RAP1GAP2: variants seen among roughly 807,000 people sequenced by gnomAD.
RAP1GAP2 encodes RAP1 GTPase activating protein 2, also known as rap1 GTPase-activating protein 2.
Under a neutral mutation model 95.0 loss-of-function variants are expected in RAP1GAP2, and 27 were observed. That is an observed-to-expected ratio of 0.28 (90% CI 0.21 to 0.39). The LOEUF is 0.39. Ranked by LOEUF, RAP1GAP2 falls within the 10% of genes least tolerant of loss-of-function variation. RAP1GAP2 has a pLI of 1.00. For missense variants in RAP1GAP2, 771 were observed against 970.0 expected, an observed-to-expected ratio of 0.79 and a Z score of 2.72; for synonymous variants, 373 against 380.9, an observed-to-expected ratio of 0.98 and a Z score of 0.24.
At chr17:3,025,324 C>T (rs904275916) in intron 19 of RAP1GAP2, among the ~76,000 whole-genome samples, 1 of 152,198 alleles carries the variant, frequency 6.6e-6, no homozygotes, top group Non-Finnish European at 1.5e-5. Flanking sequence ...TTGCAGCAAT[C>T]CAAGATCGCA....
In RAP1GAP2 at chr17:2,914,905, C is replaced by A. The variant is rs112867104; in HGVS notation, c.165+9537C>A. On this transcript the variant is annotated intron_variant, in intron 3 of 24. Coordinates refer to ENST00000254695, the MANE Select transcript of RAP1GAP2 (RefSeq NM_015085.5). ...CTCCTGGGTTCAAACGATTCTCCTG[C>A]CTCAGTCCCCCGAGTAGCTGGGATT... Among the ~76,000 whole-genome samples the A allele has an allele frequency of 3.1e-3, 467 of 151,738 alleles. 3 individuals are homozygous for A. Among genetic ancestry groups the A allele is most frequent in the African/African-American group, 0.011 (437 of 41,326 alleles).
At chr17:2,758,284 C>T (rs1332529799) in intron 1 of RAP1GAP2, among the ~76,000 whole-genome samples, 1 of 145,492 alleles carries the variant, frequency 6.9e-6, no homozygotes, top group Non-Finnish European at 1.5e-5. Context: ...CAAGTGATTC[C>T]CCTGCCTCAG....
At chr17:2,926,495 G>A (rs2042958566) in intron 3 of RAP1GAP2, among the ~76,000 whole-genome samples, 1 of 152,202 alleles carries the variant, frequency 6.6e-6, no homozygotes, top group African/African-American at 2.4e-5. Context: ...GAGGATGGGA[G>A]TGAGACTAGC....
chr17:2,931,473 C>G (rs909391891), intron 3 of RAP1GAP2, among the ~76,000 whole-genome samples: 2 of 152,192 alleles, frequency 1.3e-5, no homozygotes, highest in Non-Finnish European at 2.9e-5. Context: ...GAAGGACAGC[C>G]CATTGTCCCT....
rs1159758836 is a variant in RAP1GAP2 at position 2,937,022 on chromosome 17, G to A, written c.166-20737G>A. Among the ~76,000 whole-genome samples, 4 of 152,326 alleles carry A rather than the reference G, an allele frequency of 2.6e-5. No individual in the cohort carries two copies. The East Asian group carries it at 7.7e-4, about 29-fold the overall frequency. On this transcript the variant is annotated intron_variant, in intron 3 of 24. Coordinates refer to ENST00000254695, the MANE Select transcript of RAP1GAP2 (RefSeq NM_015085.5). The stretch of plus-strand genomic sequence containing the variant: ...AAATGGGGGAAACAGCTAATTAAAC[G>A]AGAAGTTTTAAAGCTGAGAGTTAAA...
chr17:3,026,967 A>G lies in RAP1GAP2; in HGVS notation c.2004A>G (p.Ser668=). ...DSGGSQPSTT[S]PFKQEVFVYS... is the part of the protein sequence containing the mutation. ...AGGGCAGCCAGCCGTCCACGACCTCACCCTTCAAGCAGGAGGTGTTTGTCT... is the reference window on the plus strand; with the variant it reads ...AGGGCAGCCAGCCGTCCACGACCTCGCCCTTCAAGCAGGAGGTGTTTGTCT... The change falls in exon 22 of 25, where the codon TCA becomes TCG. Residue 668 remains serine, a synonymous_variant. Transcript: ENST00000254695. 6.4e-7 allele frequency: 1 copy of G among 1,553,288 alleles called. No homozygotes were observed. The highest frequency in any genetic ancestry group is 8.7e-7 in the Non-Finnish European group (1 of 1,148,120).
chr17:3,029,237 A>G lies in RAP1GAP2; in HGVS notation c.2108-1685A>G, dbSNP rs1401451570. Among the ~76,000 whole-genome samples, 1 of 152,232 alleles carries G rather than the reference A, an allele frequency of 6.6e-6. No homozygotes were observed. Among genetic ancestry groups the G allele is most frequent in the Non-Finnish European group, 1.5e-5 (1 of 68,042 alleles). ...AGTAAGGAAGGTTTTGAGTAAAGGA[A>G]TTAGAGAGTCTCTGCAGGTTGCTGA... is the stretch of plus-strand genomic sequence containing the variant. On this transcript the variant is annotated intron_variant, in intron 22 of 24. Transcript: ENST00000254695. The surrounding 1 kb of genome is among the most constrained non-coding windows in gnomAD (Gnocchi z 4.4).
rs145953852 is a variant in RAP1GAP2 at position 2,810,498 on chromosome 17, C to T, written c.80+9948C>T. Among the ~76,000 whole-genome samples, 377 of 138,334 alleles carry T rather than the reference C, an allele frequency of 2.7e-3. 2 individuals are homozygous for T. The highest frequency in any genetic ancestry group is 9.6e-3 in the African/African-American group (353 of 36,854). 90.8% of individuals were successfully genotyped at this position (138,334 alleles called of 152,430 possible). ...TTAACATTAGGTATGTCTTTTAATG[C>T]TATCCCTCCCCTGTCCCCCCACCCT... On this transcript the variant is annotated intron_variant, in intron 2 of 24. Transcript: ENST00000254695.
intron 22 of RAP1GAP2, among the ~76,000 whole-genome samples, chr17:3,030,710 AC>A (rs2047263837): frequency 1.3e-5 from 2 of 152,142 alleles, no homozygotes; most frequent in South Asian, 4.1e-4. Flanking sequence ...ATATAATTCA[AC>A]TTTAAAAAAT....
In RAP1GAP2 at chr17:2,976,097, G is replaced by A. The variant is rs56153714; in HGVS notation, c.597-4190G>A. Among the ~76,000 whole-genome samples the A allele has an allele frequency of 8.3e-3, 1,264 of 152,300 alleles. 22 individuals carry two copies. The highest frequency in any genetic ancestry group is 0.029 in the African/African-American group (1,211 of 41,570). On this transcript the variant is annotated intron_variant, in intron 8 of 24. Transcript: ENST00000254695. ...CTTGAATTTTAAAAAGCAAAACTGAGAGAAATAGAAGGAGAAGTGGATAAA... is the reference window on the plus strand; with the variant it reads ...CTTGAATTTTAAAAAGCAAAACTGAAAGAAATAGAAGGAGAAGTGGATAAA...
intron 2 of RAP1GAP2, among the ~76,000 whole-genome samples, chr17:2,819,576 C>T (rs991553201): frequency 6.6e-6 from 1 of 151,658 alleles, no homozygotes; most frequent in Non-Finnish European, 1.5e-5. Flanking sequence ...CGGGTTCCAG[C>T]GACTCTCCTG....
At chr17:2,787,375 C>T (rs1228018145) in intron 1 of RAP1GAP2, among the ~76,000 whole-genome samples, 2 of 151,602 alleles carry the variant, frequency 1.3e-5, no homozygotes, top group African/African-American at 4.9e-5. Flanking sequence ...CCACATCAGC[C>T]TTCTAGGTAG....
intron 3 of RAP1GAP2, among the ~76,000 whole-genome samples, chr17:2,910,589 T>C (rs2042340687): frequency 6.6e-6 from 1 of 152,152 alleles, no homozygotes; most frequent in African/African-American, 2.4e-5. Context: ...TTTGGTTGAT[T>C]AGCTTGGGAG....
rs967560900 is a variant in RAP1GAP2 at position 2,902,958 on chromosome 17, GTGTA to G, written c.81-2323_81-2320del. Among the ~76,000 whole-genome samples, 1 of 152,180 alleles carries G rather than the reference GTGTA, an allele frequency of 6.6e-6. No homozygotes were observed. The highest frequency in any genetic ancestry group is 1.5e-5 in the Non-Finnish European group (1 of 68,028). On this transcript the variant is annotated intron_variant, in intron 2 of 24. Coordinates refer to ENST00000254695, the MANE Select transcript of RAP1GAP2 (RefSeq NM_015085.5). This position sits in a 1 kb window ranked among gnomAD's most constrained non-coding sequence, Gnocchi z 4.1. ...GGGGAAAAATAGACAGCATGACTGT[GTGTA>G]TGAGCGTCCAGTGACCGGTGATGTT...
chr17:2,978,627 A>C (rs919717985), intron 8 of RAP1GAP2, among the ~76,000 whole-genome samples: 10 of 151,996 alleles, frequency 6.6e-5, no homozygotes, highest in Non-Finnish European at 2.9e-5. Context: ...GATAAGGGGG[A>C]CTGCTGTATT....
chr17:3,031,060 GA>G (rs2047275252), intron 23 of RAP1GAP2, 62 bp downstream of exon 23: 1 of 1,470,368 alleles, frequency 6.8e-7, no homozygotes, highest in African/African-American at 1.4e-5. Flanking sequence ...CTTCCTTCCT[GA>G]GGCCAGAGGA....
chr17:2,777,071 C>T (rs1219188158), exon 1 of RAP1GAP2: 1 of 152,180 alleles, frequency 6.6e-6, no homozygotes, highest in African/African-American at 2.4e-5. Context: ...CAGACATCGG[C>T]ACGTATGGAC....
intron 3 of RAP1GAP2, among the ~76,000 whole-genome samples, chr17:2,913,223 A>C (rs1291223270): frequency 6.6e-6 from 1 of 151,932 alleles, no homozygotes; most frequent in Non-Finnish European, 1.5e-5. Context: ...ATGTGCACCT[A>C]CTTACCTGCA....
At chr17:2,895,750 G>A (rs2041800787) in intron 2 of RAP1GAP2, among the ~76,000 whole-genome samples, 1 of 152,000 alleles carries the variant, frequency 6.6e-6, no homozygotes, top group Non-Finnish European at 1.5e-5. Context: ...CTAATTTTTT[G>A]TATTTTTAGT....
Sources: gnomAD v4.1 joint callset for allele counts (sites outside exome capture counted in the v4.1 genomes callset) on GRCh38, gnomAD v4.1.1 for gene constraint, Gnocchi (gnomAD v3.1) non-coding constraint, MANE v1.5 for transcripts, NCBI Gene and HGNC (gene_info 2026-07-23, HGNC 2026-07-21) for gene names.